BAIAP2: variants seen among roughly 807,000 people sequenced by gnomAD.
The protein encoded by BAIAP2 is BAR/IMD domain-containing adapter protein 2.
BAIAP2 carries 18 observed loss-of-function variants against 63.0 expected under a neutral mutation model. The observed-to-expected ratio is 0.29, with a 90% CI of 0.20 to 0.42. The LOEUF is 0.42. BAIAP2 is among the 10% of genes least tolerant of loss of function. BAIAP2 has a pLI of 1.00. For synonymous variants in BAIAP2, 386 were observed against 307.6 expected (o/e 1.25, Z -2.67); for missense variants, 610 against 734.3 (o/e 0.83, Z 1.96).
At chr17:81,094,628 C>T (rs534697385) in intron 6 of BAIAP2, among the ~76,000 whole-genome samples, 1 of 152,262 alleles carries the variant, frequency 6.6e-6, no homozygotes, top group South Asian at 2.1e-4. Flanking sequence ...AAGGGTCCTC[C>T]CATCTCCTTT....
At chr17:81,043,632 G>T (rs2047388468) in intron 1 of BAIAP2, among the ~76,000 whole-genome samples, 1 of 152,232 alleles carries the variant, frequency 6.6e-6, no homozygotes, top group Non-Finnish European at 1.5e-5. Context: ...GGGAGGCCCT[G>T]CCACTGTGCA....
Position 81,116,063 on chromosome 17 carries a change from C to T in BAIAP2, c.*224C>T, listed in dbSNP as rs2060512804. The stretch of plus-strand genomic sequence containing the variant: ...GGCGAGACCCAGTGGCTGGGCTGCC[C>T]AGGGCTGAGGGGCCGCCTCTTGAGG... On this transcript the variant is annotated 3_prime_UTR_variant, in exon 14 of 14. Transcript: ENST00000428708. The T allele has an allele frequency of 2.0e-6, 3 of 1,470,606 alleles. No homozygotes were observed. The highest frequency in any genetic ancestry group is 2.7e-5 in the South Asian group (2 of 73,756). The allele number at this position is 1,470,606 out of a possible 1,614,324, so 91.1% of individuals were successfully genotyped here.
chr17:81,098,928 A>G (rs1455175040), intron 6 of BAIAP2, among the ~76,000 whole-genome samples: 1 of 151,810 alleles, frequency 6.6e-6, no homozygotes, highest in Non-Finnish European at 1.5e-5. Flanking sequence ...GGGTTTTCCA[A>G]AGCTTCCGCG....
intron 6 of BAIAP2, among the ~76,000 whole-genome samples, chr17:81,096,934 A>G (rs995645926): frequency 6.6e-6 from 1 of 152,104 alleles, no homozygotes; most frequent in Admixed American, 6.5e-5. Context: ...GTGGAGGAGG[A>G]GGAGGTGGAG....
rs1006601354 is a variant in BAIAP2, at chr17:81,062,103, C to T, written c.217+4136C>T. Among the ~76,000 whole-genome samples, 6 of 152,166 alleles carry T rather than the reference C, an allele frequency of 3.9e-5. No homozygotes were observed. In the East Asian group the frequency reaches 7.7e-4, roughly 20 times the overall value. On this transcript the variant is annotated intron_variant, in intron 3 of 13. Coordinates refer to ENST00000428708, the MANE Select transcript of BAIAP2 (RefSeq NM_001144888.2). ...CATTATAGGCACCGGCCACCACACCCGCCTAATTTTTGTATTTGTATATTT... is the reference window on the plus strand; with the variant it reads ...CATTATAGGCACCGGCCACCACACCTGCCTAATTTTTGTATTTGTATATTT...
intron 1 of BAIAP2, among the ~76,000 whole-genome samples, chr17:81,042,495 T>G (rs535966248): frequency 6.6e-6 from 1 of 152,190 alleles, no homozygotes; most frequent in South Asian, 2.1e-4. Flanking sequence ...CGGCCAGGCC[T>G]CCTGTTCCTT....
intron 3 of BAIAP2, 122 bp from the exon 4 acceptor site, chr17:81,084,710 C>CG (rs2055263946): frequency 2.2e-6 from 2 of 901,802 alleles, no homozygotes; most frequent in Admixed American, 1.7e-5. Context: ...CCTGACACCC[C>CG]GGGGGCCCTG....
At chr17:81,115,739 T>A (rs2060483566) in intron 13 of BAIAP2, 31 bp from the exon 14 acceptor site, 1 of 1,613,172 alleles carries the variant, frequency 6.2e-7, no homozygotes, top group African/African-American at 1.3e-5. Context: ...GCTTCCGCCC[T>A]AAAAATTAAA....
intron 1 of BAIAP2, chr17:81,036,895 T>A: frequency 6.5e-7 from 1 of 1,535,974 alleles, no homozygotes; most frequent in East Asian, 2.4e-5. Flanking sequence ...GGAACCTTTT[T>A]CCTATTTTTT....
chr17:81,070,116 G>A (rs569397587), intron 3 of BAIAP2, among the ~76,000 whole-genome samples: 2 of 152,190 alleles, frequency 1.3e-5, no homozygotes, highest in East Asian at 1.9e-4. Context: ...GTGCTGTCAC[G>A]CCTGTATACT....
At chr17:81,076,425 G>A (rs567954591) in intron 3 of BAIAP2, 7 of 152,328 alleles carry the variant, frequency 4.6e-5, no homozygotes, top group African/African-American at 1.7e-4. Flanking sequence ...GGCAGCCGGT[G>A]AGACGCCGCA....
chr17:81,047,126 T>A (rs1050025760), intron 1 of BAIAP2, among the ~76,000 whole-genome samples: 9 of 152,080 alleles, frequency 5.9e-5, no homozygotes, highest in Non-Finnish European at 1.0e-4. Context: ...AGAGGCCAGG[T>A]GGATCGAGTC....
intron 1 of BAIAP2, 121 bp downstream of exon 1, chr17:81,035,429 C>T (rs1253624174): frequency 2.2e-6 from 1 of 455,756 alleles, no homozygotes; most frequent in Non-Finnish European, 2.9e-6. Context: ...GAGGCTGGGA[C>T]TTTGGGGGTC....
At chr17:81,073,114 T>C (rs1010865788) in intron 3 of BAIAP2, among the ~76,000 whole-genome samples, 20 of 151,998 alleles carry the variant, frequency 1.3e-4, no homozygotes, top group African/African-American at 4.6e-4. Flanking sequence ...GAAGCTCTCT[T>C]CGTAGGTGGC....
chr17:81,110,201 C>T (rs991479521), intron 13 of BAIAP2: 6 of 985,602 alleles, frequency 6.1e-6, no homozygotes, highest in South Asian at 9.4e-5. Flanking sequence ...CTCCCCGTGG[C>T]CTGGGACGTG....
chr17:81,104,807 T>G (rs940003367), intron 10 of BAIAP2, 92 bp downstream of exon 10: 1 of 1,352,758 alleles, frequency 7.4e-7, no homozygotes, highest in Non-Finnish European at 1.0e-6. Context: ...ACCTTGTGTT[T>G]AGAGTGGCTG....
Position 81,049,705 on chromosome 17 carries a change from T to C in BAIAP2, c.55-3963T>C, listed in dbSNP as rs553214210. 5.3e-4 allele frequency among the ~76,000 whole-genome samples: 81 copies of C among 152,312 alleles called. No homozygotes were observed. The South Asian group carries it at 0.016, about 30-fold the overall frequency. On this transcript the variant is annotated intron_variant, in intron 1 of 13. Coordinates refer to ENST00000428708, the MANE Select transcript of BAIAP2 (RefSeq NM_001144888.2). ...CACCTGGGGCCGCTGCTGTTGGTTT[T>C]CATTCCGGAAGAGCTGGAGCTGCCT... is the stretch of plus-strand genomic sequence containing the variant.
At position 81,055,651 on chromosome 17, in the gene BAIAP2, T is replaced by C. The variant is rs368832751; in HGVS notation, c.130+1908T>C. Among the ~76,000 whole-genome samples the C allele has an allele frequency of 3.2e-3, 481 of 150,230 alleles. 1 individual carries two copies. The highest frequency in any genetic ancestry group is 0.01 in the African/African-American group (420 of 40,946). On this transcript the variant is annotated intron_variant, in intron 2 of 13. Coordinates refer to ENST00000428708, the MANE Select transcript of BAIAP2 (RefSeq NM_001144888.2). ...CGCTATCTTGGCTCCCTGCAAACTC[T>C]GCCTCCCGGGTTCACGCCATTCTCC...
At chr17:81,103,182 A>C (rs553989707) in intron 7 of BAIAP2, among the ~76,000 whole-genome samples, 58 of 151,912 alleles carry the variant, frequency 3.8e-4, no homozygotes, top group Admixed American at 7.2e-4. Context: ...TGCCCACCGG[A>C]GTTTGACCTT....
Sources: gnomAD v4.1 joint callset for allele counts (sites outside exome capture counted in the v4.1 genomes callset) on GRCh38, gnomAD v4.1.1 for gene constraint, MANE v1.5 for transcripts, NCBI Gene and HGNC (gene_info 2026-07-23, HGNC 2026-07-21) for gene names.